Variants in CERT1 observed in about 807,000 individuals in gnomAD.
CERT1 encodes ceramide transfer protein.
Under a neutral mutation model 87.9 loss-of-function variants are expected in CERT1, and 31 were observed. The observed-to-expected ratio is 0.35, with a 90% CI of 0.27 to 0.48. The LOEUF (loss-of-function observed/expected upper bound fraction) is 0.48. Ranked by LOEUF, CERT1 falls within the 20% of genes least tolerant of loss-of-function variation. The pLI is 0.99. For synonymous variants in CERT1, 289 were observed against 250.9 expected (o/e 1.15, Z -1.44); for missense variants, 487 against 758.0 (o/e 0.64, Z 4.20).
chr5:75,483,407 C>CT (rs1349163520), intron 2 of CERT1, among the ~76,000 whole-genome samples: 1 of 152,080 alleles, frequency 6.6e-6, no homozygotes, highest in East Asian at 1.9e-4. Flanking sequence ...AAGGGCAACT[C>CT]TAAGAGTCAC....
intron 11 of CERT1, among the ~76,000 whole-genome samples, chr5:75,394,107 G>A (rs757152861): frequency 1.4e-4 from 21 of 152,116 alleles, no homozygotes; most frequent in Admixed American, 3.9e-4. Context: ...TTAGCCTACC[G>A]TATTGACAAA....
chr5:75,388,599 CAT>C (rs59799780), intron 12 of CERT1, among the ~76,000 whole-genome samples: 6,844 of 90,430 alleles, frequency 0.076, 250 homozygotes, highest in Non-Finnish European at 0.091. Context: ...AGCATGCATG[CAT>C]ATATATATAT....
intron 7 of CERT1, among the ~76,000 whole-genome samples, chr5:75,414,959 G>T (rs1166373151): frequency 1.3e-5 from 2 of 151,760 alleles, no homozygotes; most frequent in African/African-American, 2.4e-5. Context: ...TCAATTCTAA[G>T]AATTACCTGA....
At position 75,419,356 on chromosome 5, in the gene CERT1, C is replaced by T. The variant is rs550025044; in HGVS notation, c.664G>A (p.Gly222Ser). The change falls in exon 6 of 17, where the codon GGC becomes AGC. Residue 222 changes from glycine to serine, a missense_variant. Transcript: ENST00000643780. Reference sequence around the variant, plus strand: ...TATTACTTACACTTTTCTTTATTGCCGTTGGTACTATGCAAGAAGTCACCA... The same window carrying T: ...TATTACTTACACTTTTCTTTATTGCTGTTGGTACTATGCAAGAAGTCACCA... ...SDGDFLHSTNGNKEKLFPHVT... is the reference protein window; with the variant it reads ...SDGDFLHSTNSNKEKLFPHVT... 2.8e-5 allele frequency: 45 copies of T among 1,609,962 alleles called. No homozygotes were observed. The highest frequency in any genetic ancestry group is 9.4e-5 in the African/African-American group (7 of 74,782).
chr5:75,458,874 C>T (rs1765112884), intron 3 of CERT1, among the ~76,000 whole-genome samples, 191 bp downstream of exon 3: 1 of 152,078 alleles, frequency 6.6e-6, no homozygotes, highest in Non-Finnish European at 1.5e-5. Context: ...ATAGCAAATA[C>T]CCTTAGTACA....
At chr5:75,382,451 A>G (rs1260168439) in intron 14 of CERT1, among the ~76,000 whole-genome samples, 1 of 152,154 alleles carries the variant, frequency 6.6e-6, no homozygotes, top group Non-Finnish European at 1.5e-5. Context: ...ACAACTTTCC[A>G]TTCCTCTCTC....
rs200632353 is a variant in CERT1, at chr5:75,406,455, A to G, written c.931-3397T>C. 4.6e-5 allele frequency among the ~76,000 whole-genome samples: 7 copies of G among 152,266 alleles called. No homozygotes were observed. The East Asian group carries it at 1.3e-3, about 29-fold the overall frequency. Reference sequence around the variant, plus strand: ...TAGCCTTTGTTCCCATTATGCATTCAGGTAGGGCCCTTAGGCAGGATCCTT... The same window carrying G: ...TAGCCTTTGTTCCCATTATGCATTCGGGTAGGGCCCTTAGGCAGGATCCTT... On this transcript the variant is annotated intron_variant, in intron 8 of 16. Transcript: ENST00000643780.
intron 1 of CERT1, among the ~76,000 whole-genome samples, chr5:75,506,968 T>C (rs1016385380): frequency 1.3e-5 from 2 of 152,200 alleles, no homozygotes; most frequent in Admixed American, 6.5e-5. Context: ...GTGTTAAGTA[T>C]AGAAAAATCT....
At chr5:75,508,303 G>C (rs1434518283) in intron 1 of CERT1, among the ~76,000 whole-genome samples, 1 of 152,180 alleles carries the variant, frequency 6.6e-6, no homozygotes, top group Non-Finnish European at 1.5e-5. Context: ...AATAGACTTA[G>C]AACAGTGCCT....
In CERT1 at chr5:75,459,222, T is replaced by C. The variant is rs565280755; in HGVS notation, c.232-41A>G. The C allele has an allele frequency of 6.3e-6, 8 of 1,274,988 alleles. No individual in the cohort carries two copies. The South Asian group carries it at 9.6e-5, about 15-fold the overall frequency. 79.0% of individuals were successfully genotyped at this position (1,274,988 alleles called of 1,614,324 possible). ...AGAAAATGAAAAGCAAAGCTAATTA[T>C]ATCCTTAGAAGTGTTACACCCCAAA... On this transcript the variant is annotated intron_variant, in intron 2 of 16. Coordinates refer to ENST00000643780, the MANE Select transcript of CERT1 (RefSeq NM_001379029.1).
downstream of CERT1, chr5:75,376,561 A>G (rs1761324323): frequency 6.6e-6 from 1 of 152,248 alleles, no homozygotes; most frequent in Admixed American, 6.5e-5. Flanking sequence ...AATATGGCAC[A>G]GACTCAGAAT....
At chr5:75,405,477 A>G (rs1762664103) in intron 8 of CERT1, among the ~76,000 whole-genome samples, 1 of 152,176 alleles carries the variant, frequency 6.6e-6, no homozygotes, top group South Asian at 2.1e-4. Context: ...CTTTGTATCT[A>G]ATATAGAAGA....
At chr5:75,395,607 A>G (rs1020883362) in intron 11 of CERT1, among the ~76,000 whole-genome samples, 1 of 151,504 alleles carries the variant, frequency 6.6e-6, no homozygotes, top group Non-Finnish European at 1.5e-5. Flanking sequence ...CAGGCCTGTA[A>G]TCCCAGCACT....
intron 2 of CERT1, among the ~76,000 whole-genome samples, chr5:75,504,981 A>G (rs1767585868): frequency 6.6e-6 from 1 of 152,132 alleles, no homozygotes; most frequent in African/African-American, 2.4e-5. Context: ...GTTTCTATAT[A>G]CTAAGTTAAA....
chr5:75,395,782 G>A (rs555408717), intron 11 of CERT1, among the ~76,000 whole-genome samples: 11 of 151,920 alleles, frequency 7.2e-5, no homozygotes, highest in African/African-American at 1.2e-4. Context: ...CCTGGGAGAC[G>A]GAGGTTGCAG....
chr5:75,396,364 T>C (rs183675183), intron 11 of CERT1, among the ~76,000 whole-genome samples: 1 of 152,304 alleles, frequency 6.6e-6, no homozygotes, highest in East Asian at 1.9e-4. Context: ...ATGAAGATAT[T>C]ATAAAACAAA....
At chr5:75,491,633 C>A (rs937436580) in intron 2 of CERT1, among the ~76,000 whole-genome samples, 1 of 152,138 alleles carries the variant, frequency 6.6e-6, no homozygotes, top group Non-Finnish European at 1.5e-5. Flanking sequence ...GGTCCCCTTG[C>A]GGCAATGGGG....
intron 3 of CERT1, among the ~76,000 whole-genome samples, chr5:75,446,236 A>T (rs2112263118): frequency 6.6e-6 from 1 of 152,252 alleles, no homozygotes; most frequent in Non-Finnish European, 1.5e-5. Context: ...CCGTTGTCCT[A>T]TATTTAAGTT....
chr5:75,495,590 T>C (rs1014715915), intron 2 of CERT1, among the ~76,000 whole-genome samples: 9 of 150,798 alleles, frequency 6.0e-5, no homozygotes, highest in Admixed American at 1.3e-4. Flanking sequence ...AGGCCAAGCC[T>C]ACACAGCACT....
Sources: allele counts gnomAD v4.1 joint callset (sites outside exome capture counted in the v4.1 genomes callset), GRCh38; gene constraint gnomAD v4.1.1; transcripts MANE v1.5; gene names NCBI Gene and HGNC (gene_info 2026-07-23, HGNC 2026-07-21).